GCNT1: variants seen among roughly 807,000 people sequenced by gnomAD.
The protein encoded by GCNT1 is beta-1,3-galactosyl-O-glycosyl-glycoprotein beta-1,6-N-acetylglucosaminyltransferase.
In GCNT1, 16 loss-of-function variants were observed where a neutral mutation model predicts 26.2. The observed-to-expected ratio is 0.61, with a 90% CI of 0.41 to 0.93. GCNT1 has a LOEUF of 0.93. Ranked by LOEUF, GCNT1 falls within the 40% of genes least tolerant of loss-of-function variation. The probability of loss-of-function intolerance (pLI) is 0.00; values close to 1 mark genes in which losing one functional copy is unlikely to be tolerated. For missense variants in GCNT1, 477 were observed against 526.7 expected (o/e 0.91, Z 0.92); for synonymous variants, 183 against 190.8 (o/e 0.96, Z 0.34).
At chr9:76,437,848 G>A (rs1161192722), upstream of GCNT1, among the ~76,000 whole-genome samples, 3 of 152,234 alleles carry the variant, frequency 2.0e-5, no homozygotes, top group Non-Finnish European at 4.4e-5. Flanking sequence ...GATTGGACAA[G>A]TATGTGACAC....
At chr9:76,428,201 GC>G (rs1823281685) in intron 1 of GCNT1, among the ~76,000 whole-genome samples, 1 of 144,834 alleles carries the variant, frequency 6.9e-6, no homozygotes, top group African/African-American at 2.6e-5. Context: ...GGGAGGTGGA[GC>G]TTGCAGTGAG....
chr9:76,468,335 G>A (rs771484593), intron 2 of GCNT1, among the ~76,000 whole-genome samples: 4 of 152,168 alleles, frequency 2.6e-5, no homozygotes, highest in Non-Finnish European at 5.9e-5. Context: ...GAGCTATAGA[G>A]TGTCATCGAG....
chr9:76,495,484 G>A (rs927117155), intron 2 of GCNT1, among the ~76,000 whole-genome samples: 8 of 152,190 alleles, frequency 5.3e-5, no homozygotes, highest in Non-Finnish European at 7.3e-5. Flanking sequence ...GCAGGTTGCC[G>A]CTGCTGGCTT....
chr9:76,485,179 T>A (rs911245624), intron 2 of GCNT1, among the ~76,000 whole-genome samples: 2 of 151,904 alleles, frequency 1.3e-5, no homozygotes, highest in African/African-American at 4.8e-5. Context: ...ATATGTACTT[T>A]TATGTTTTTT....
At chr9:76,433,984 A>C (rs1437576890) in intron 1 of GCNT1, among the ~76,000 whole-genome samples, 1 of 152,212 alleles carries the variant, frequency 6.6e-6, no homozygotes, top group Non-Finnish European at 1.5e-5. Flanking sequence ...ATAATACAGC[A>C]GTTCCTCCTT....
Position 76,504,612 on chromosome 9 carries a change from T to C in GCNT1, c.*944T>C, listed in dbSNP as rs912363312. ...GGAGTGGGAGGGGGGAGAAAAGGAA[T>C]GTATTTAAACAATTTCCGATGCCCA... On this transcript the variant is annotated 3_prime_UTR_variant, in exon 4 of 4. Coordinates refer to ENST00000376730, the MANE Select transcript of GCNT1 (RefSeq NM_001490.5). The C allele has an allele frequency of 2.4e-6, 1 of 411,650 alleles. No homozygotes were observed. Among genetic ancestry groups the C allele is most frequent in the African/African-American group, 2.1e-5 (1 of 48,590 alleles). 25.5% of individuals were successfully genotyped at this position (411,650 alleles called of 1,614,324 possible). A position where few individuals can be genotyped will look rare whatever the true frequency, so the allele number is the denominator to read the frequency against.
chr9:76,394,831 T>A, the GCNT1 span, among the ~76,000 whole-genome samples: 1 of 152,198 alleles, frequency 6.6e-6, no homozygotes, highest in Non-Finnish European at 1.5e-5. Flanking sequence ...ACGTCAGGCA[T>A]CGCTCGTTCC....
chr9:76,483,888 C>A (rs1169523336), intron 2 of GCNT1, among the ~76,000 whole-genome samples: 2 of 151,240 alleles, frequency 1.3e-5, no homozygotes, highest in Non-Finnish European at 3.0e-5. Flanking sequence ...CAGGTTGTTC[C>A]AGGCTGATCT....
chr9:76,503,922 G>A lies in GCNT1; in HGVS notation c.*254G>A, dbSNP rs577302091. 12 of 488,360 alleles carry A rather than the reference G, an allele frequency of 2.5e-5. No homozygotes were observed. Among genetic ancestry groups the A allele is most frequent in the Non-Finnish European group, 4.2e-5 (11 of 259,332 alleles). 30.3% of individuals were successfully genotyped at this position (488,360 alleles called of 1,614,324 possible). ...GCCTTGAGGCCAGAGCAGGTAGCAA[G>A]GCATTGTGGAAAGAGGGGACCAGGG... On this transcript the variant is annotated 3_prime_UTR_variant, in exon 4 of 4. Transcript: ENST00000376730.
At chr9:76,449,168 A>C (rs1275639669) in intron 1 of GCNT1, among the ~76,000 whole-genome samples, 1 of 152,046 alleles carries the variant, frequency 6.6e-6, no homozygotes, top group Non-Finnish European at 1.5e-5. Context: ...CTCTACCAAA[A>C]ACAAAATAAA....
the GCNT1 span, among the ~76,000 whole-genome samples, chr9:76,408,545 A>C: frequency 6.6e-6 from 1 of 152,098 alleles, no homozygotes; most frequent in Admixed American, 6.6e-5. Context: ...TTAACTTGCT[A>C]ATATTTTGTT....
Position 76,503,565 on chromosome 9 carries a change from A to G in GCNT1, c.1184A>G (p.His395Arg). ...AGDLNWMLRK[H>R]HLFANKFDVD... is the part of the protein sequence containing the mutation. ...GACTTGAACTGGATGCTGCGCAAACACCACTTGTTTGCCAATAAGTTTGAC... is the reference window on the plus strand; with the variant it reads ...GACTTGAACTGGATGCTGCGCAAACGCCACTTGTTTGCCAATAAGTTTGAC... The change falls in exon 4 of 4, where the codon CAC becomes CGC. Residue 395 changes from histidine to arginine, a missense_variant. His to Arg is a conservative substitution (Grantham distance 29). Coordinates refer to ENST00000376730, the MANE Select transcript of GCNT1 (RefSeq NM_001490.5). The G allele has an allele frequency of 6.2e-7, 1 of 1,614,146 alleles. No individual in the cohort carries two copies. Among genetic ancestry groups the G allele is most frequent in the Non-Finnish European group, 8.5e-7 (1 of 1,180,004 alleles).
intron 1 of GCNT1, among the ~76,000 whole-genome samples, chr9:76,424,945 C>T: frequency 6.6e-6 from 1 of 152,124 alleles, no homozygotes; most frequent in Non-Finnish European, 1.5e-5. Context: ...TGAGACCATC[C>T]TGGCTAACAC....
the GCNT1 span, among the ~76,000 whole-genome samples, chr9:76,412,491 GTCTT>G: frequency 6.6e-6 from 1 of 152,142 alleles, no homozygotes. Flanking sequence ...GTCTCAGAAA[GTCTT>G]TATTTCTACT....
rs141010911 is a variant in GCNT1 at position 76,443,954 on chromosome 9, G to A, written c.-290+1639G>A. ...GAAAGGAAGGAAGGAAGGAAGGAAG[G>A]AAGGAAGGAAGGAAGGAAGGAAGGA... On this transcript the variant is annotated intron_variant, in intron 1 of 2. Coordinates refer to the GCNT1 transcript ENST00000442371. 3.4e-3 allele frequency among the ~76,000 whole-genome samples: 355 copies of A among 104,652 alleles called. 2 individuals are homozygous for A. The highest frequency in any genetic ancestry group is 9.9e-3 in the African/African-American group (264 of 26,728). The allele number at this position is 104,652 out of a possible 152,430, so 68.7% of individuals were successfully genotyped here.
chr9:76,411,703 T>TTTTTC, the GCNT1 span, among the ~76,000 whole-genome samples: 3 of 108,452 alleles, frequency 2.8e-5, no homozygotes, highest in Non-Finnish European at 4.1e-5. Flanking sequence ...TATACTTTTT[T>TTTTTC]TTTTTTTTTT....
rs190778950 is a variant in GCNT1 at position 76,447,099 on chromosome 9, G to A, written c.-290+4784G>A. On this transcript the variant is annotated intron_variant, in intron 1 of 2. Transcript: ENST00000442371. Reference sequence around the variant, plus strand: ...GAGCCCAGGAGATTGAGGCTGCAGTGAGCTGGGAGCGTGCCACTGCACTAC... The same window carrying A: ...GAGCCCAGGAGATTGAGGCTGCAGTAAGCTGGGAGCGTGCCACTGCACTAC... Among the ~76,000 whole-genome samples the A allele has an allele frequency of 1.4e-4, 19 of 137,030 alleles. 1 individual carries two copies. Among genetic ancestry groups the A allele is most frequent in the African/African-American group, 5.2e-4 (19 of 36,478 alleles). The allele number at this position is 137,030 out of a possible 152,430, so 89.9% of individuals were successfully genotyped here.
chr9:76,471,843 G>A (rs1824138744), intron 2 of GCNT1, among the ~76,000 whole-genome samples: 1 of 152,096 alleles, frequency 6.6e-6, no homozygotes, highest in Non-Finnish European at 1.5e-5. Context: ...AAAATAAGAT[G>A]TAAATTTTTT....
chr9:76,454,360 C>G (rs374333778), upstream of GCNT1, among the ~76,000 whole-genome samples: 29 of 98,676 alleles, frequency 2.9e-4, no homozygotes, highest in South Asian at 8.9e-3. Context: ...GCCTGGGCAA[C>G]AAGAGCGAAA....
Sources: allele counts gnomAD v4.1 joint callset (sites outside exome capture counted in the v4.1 genomes callset), GRCh38; gene constraint gnomAD v4.1.1; transcripts MANE v1.5; gene names NCBI Gene and HGNC (gene_info 2026-07-23, HGNC 2026-07-21).